Variants in SLC44A5 observed in about 807,000 individuals in gnomAD.
The protein encoded by SLC44A5 is solute carrier family 44 member 5, also known as choline transporter-like protein 5.
In SLC44A5, 57 loss-of-function variants were observed where a neutral mutation model predicts 101.8. That is an observed-to-expected ratio of 0.56 (90% CI 0.45 to 0.70). The LOEUF (loss-of-function observed/expected upper bound fraction) is 0.70. Ranked by LOEUF, SLC44A5 falls within the 30% of genes least tolerant of loss-of-function variation. The pLI, the probability that SLC44A5 is intolerant of heterozygous loss-of-function variation, is 0.00. For synonymous variants in SLC44A5, 281 were observed against 290.9 expected (o/e 0.97, Z 0.35); for missense variants, 737 against 853.1 (o/e 0.86, Z 1.70).
the SLC44A5 span, among the ~76,000 whole-genome samples, chr1:75,700,878 C>T: frequency 1.1e-4 from 17 of 152,140 alleles, no homozygotes; most frequent in African/African-American, 3.6e-4. Context: ...ACTATAAACA[C>T]CTCTATGCAA....
At chr1:75,488,219 C>A (rs574314617) in intron 2 of SLC44A5, among the ~76,000 whole-genome samples, 1 of 152,244 alleles carries the variant, frequency 6.6e-6, no homozygotes, top group Admixed American at 6.5e-5. Flanking sequence ...ATATAATGTG[C>A]TTGGATCATC....
intron 4 of SLC44A5, among the ~76,000 whole-genome samples, chr1:75,302,695 G>A (rs551178073): frequency 2.0e-5 from 3 of 152,096 alleles, no homozygotes; most frequent in Non-Finnish European, 2.9e-5. Context: ...ACAATATGCC[G>A]CATCACTACT....
the SLC44A5 span, among the ~76,000 whole-genome samples, chr1:75,722,085 C>T: frequency 6.6e-6 from 1 of 152,136 alleles, no homozygotes; most frequent in African/African-American, 2.4e-5. Flanking sequence ...AGTGTCTTAT[C>T]TACAACCTAC....
chr1:75,649,977 T>C, the SLC44A5 span, among the ~76,000 whole-genome samples: 1 of 152,218 alleles, frequency 6.6e-6, no homozygotes, highest in Non-Finnish European at 1.5e-5. Flanking sequence ...TTAAGCCTGA[T>C]TTATAATAAC....
chr1:75,480,353 T>C (rs1280872317), intron 2 of SLC44A5, among the ~76,000 whole-genome samples: 3 of 152,224 alleles, frequency 2.0e-5, no homozygotes, highest in Non-Finnish European at 4.4e-5. Context: ...AAGACAGGGA[T>C]GCTCTTTCTC....
At chr1:75,392,059 G>A (rs752580421) in intron 3 of SLC44A5, among the ~76,000 whole-genome samples, 22 of 151,992 alleles carry the variant, frequency 1.4e-4, no homozygotes, top group Admixed American at 6.6e-4. Context: ...CAAGATGGAA[G>A]GATTACTGGA....
At chr1:75,454,072 C>T (rs1666052030) in intron 2 of SLC44A5, among the ~76,000 whole-genome samples, 1 of 151,950 alleles carries the variant, frequency 6.6e-6, no homozygotes, top group Non-Finnish European at 1.5e-5. Context: ...ACCCTGATCC[C>T]AATGTGTGTG....
At chr1:75,391,633 G>A (rs991120954) in intron 3 of SLC44A5, among the ~76,000 whole-genome samples, 4 of 152,124 alleles carry the variant, frequency 2.6e-5, no homozygotes, top group Admixed American at 1.3e-4. Context: ...AGGACTCCCT[G>A]TTTAATAAAT....
At chr1:75,298,636 C>T (rs141993099) in intron 5 of SLC44A5, among the ~76,000 whole-genome samples, 11 of 152,048 alleles carry the variant, frequency 7.2e-5, no homozygotes, top group Admixed American at 2.0e-4. Context: ...GAGGAGAGAC[C>T]TATTTGATGA....
the SLC44A5 span, among the ~76,000 whole-genome samples, chr1:75,664,474 C>T: frequency 9.9e-5 from 15 of 152,032 alleles, no homozygotes; most frequent in East Asian, 5.8e-4. Context: ...TTTCAGGATA[C>T]AAAATCAATG....
the SLC44A5 span, among the ~76,000 whole-genome samples, chr1:75,719,100 A>G: frequency 1.3e-5 from 2 of 152,154 alleles, no homozygotes; most frequent in Non-Finnish European, 2.9e-5. Context: ...AGAGCCAATA[A>G]AAAGCCCATG....
At chr1:75,277,621 G>A (rs528872771) in intron 5 of SLC44A5, among the ~76,000 whole-genome samples, 1 of 151,912 alleles carries the variant, frequency 6.6e-6, no homozygotes, top group Non-Finnish European at 1.5e-5. Flanking sequence ...TGTAGGAAAA[G>A]AGATGACAGG....
At chr1:75,711,899 C>A in the SLC44A5 span, among the ~76,000 whole-genome samples, 1 of 152,218 alleles carries the variant, frequency 6.6e-6, no homozygotes, top group Non-Finnish European at 1.5e-5. Context: ...CACAAGAGTT[C>A]CATTAATATT....
chr1:75,330,454 T>C (rs1484376843), intron 4 of SLC44A5, among the ~76,000 whole-genome samples: 1 of 152,156 alleles, frequency 6.6e-6, no homozygotes, highest in Non-Finnish European at 1.5e-5. Context: ...CCAACATCTG[T>C]AACATATTCC....
chr1:75,215,817 C>T lies in SLC44A5; in HGVS notation c.1665G>A (p.Leu555=), dbSNP rs1646949371. 3 of 1,608,768 alleles carry T rather than the reference C, an allele frequency of 1.9e-6. No homozygotes were observed. The South Asian group carries it at 3.3e-5, about 18-fold the overall frequency. Residue 555 remains leucine (L), a synonymous_variant, in exon 19 of 24, where the codon CTG becomes CTA. Coordinates refer to ENST00000370859, the MANE Select transcript of SLC44A5 (RefSeq NM_001130058.2). ...TTTCCAAACACCAGAAGCAGCATCT[C>T]AGGCAGCATTGTAGGAATTTAGACA... ...NTLSKFLQCC[L]RCCFWCLENA...
chr1:75,370,790 T>A (rs894609599), intron 3 of SLC44A5, among the ~76,000 whole-genome samples: 1 of 152,136 alleles, frequency 6.6e-6, no homozygotes, highest in East Asian at 1.9e-4. Flanking sequence ...GTCAGAGAGA[T>A]GGAGAAAATC....
intron 1 of SLC44A5, among the ~76,000 whole-genome samples, chr1:75,580,637 G>A (rs762308120): frequency 1.3e-5 from 2 of 152,054 alleles, no homozygotes; most frequent in Non-Finnish European, 2.9e-5. Flanking sequence ...CCAGGAGTTC[G>A]AGACCAGCCT....
At chr1:75,475,356 T>C (rs972896876) in intron 2 of SLC44A5, among the ~76,000 whole-genome samples, 3 of 152,228 alleles carry the variant, frequency 2.0e-5, no homozygotes, top group Non-Finnish European at 4.4e-5. Context: ...GTAGATGAGC[T>C]TTGATATTAC....
chr1:75,375,844 C>T (rs952534139), intron 3 of SLC44A5, among the ~76,000 whole-genome samples: 1 of 152,172 alleles, frequency 6.6e-6, no homozygotes, highest in Admixed American at 6.5e-5. Context: ...CCAAGATGGC[C>T]GAATAGGAAC....
Sources: gnomAD v4.1 joint callset for allele counts (sites outside exome capture counted in the v4.1 genomes callset) on GRCh38, gnomAD v4.1.1 for gene constraint, MANE v1.5 for transcripts, NCBI Gene and HGNC (gene_info 2026-07-23, HGNC 2026-07-21) for gene names.